Variants in MECOM observed in about 807,000 individuals in gnomAD.
The protein encoded by MECOM is MDS1 and EVI1 complex locus, also known as histone-lysine N-methyltransferase MECOM.
A neutral mutation model predicts 116.3 loss-of-function variants in MECOM; 13 were observed. The observed-to-expected ratio is 0.11, with a 90% confidence interval of 0.07 to 0.18. MECOM has a LOEUF of 0.18. Ranked by LOEUF, MECOM falls within the 10% of genes least tolerant of loss-of-function variation. The pLI is 1.00. For synonymous variants in MECOM, 528 were observed against 535.2 expected (o/e 0.99, Z 0.19); for missense variants, 1,299 against 1,509.0 (o/e 0.86, Z 2.31).
At chr3:169,369,139 G>A (rs1401138151) in intron 2 of MECOM, among the ~76,000 whole-genome samples, 1 of 151,926 alleles carries the variant, frequency 6.6e-6, no homozygotes, top group Non-Finnish European at 1.5e-5. Flanking sequence ...AAGAGTAATA[G>A]ACATGCTGGA....
intron 2 of MECOM, among the ~76,000 whole-genome samples, chr3:169,276,903 C>A (rs1425102068): frequency 6.6e-6 from 1 of 152,048 alleles, no homozygotes; most frequent in African/African-American, 2.4e-5. Flanking sequence ...ACAGAGTGAG[C>A]ATTATATAAA....
In MECOM at chr3:169,084,750, CT is replaced by C; in HGVS notation, c.*158del. On this transcript the variant is annotated 3_prime_UTR_variant, in exon 17 of 17. Coordinates refer to ENST00000651503, the MANE Select transcript of MECOM (RefSeq NM_004991.4). ...AGAATAAATAGTTTCTTTTTTCTTT[CT>C]TTTCTTTTTTAAATCATTCAGTTTA... is the stretch of plus-strand genomic sequence containing the variant. 3 of 735,368 alleles carry C rather than the reference CT, an allele frequency of 4.1e-6. No individual in the cohort carries two copies. Among genetic ancestry groups the C allele is most frequent in the Non-Finnish European group, 6.2e-6 (3 of 485,186 alleles). 45.6% of individuals were successfully genotyped at this position (735,368 alleles called of 1,614,324 possible).
At chr3:169,369,808 T>C (rs989778355) in intron 2 of MECOM, among the ~76,000 whole-genome samples, 1 of 152,052 alleles carries the variant, frequency 6.6e-6, no homozygotes. Flanking sequence ...CAAACTATAT[T>C]TACTATTTTA....
chr3:169,214,064 T>C (rs977008498), intron 2 of MECOM, among the ~76,000 whole-genome samples: 1 of 152,124 alleles, frequency 6.6e-6, no homozygotes, highest in African/African-American at 2.4e-5. Context: ...CATCTAAAGA[T>C]CCCAAAGCTT....
intron 1 of MECOM, among the ~76,000 whole-genome samples, chr3:169,457,242 G>A (rs930182045): frequency 6.6e-6 from 1 of 152,082 alleles, no homozygotes; most frequent in Non-Finnish European, 1.5e-5. Context: ...CCATGGATGG[G>A]GCAGCGCTTA....
At chr3:169,646,590 T>C (rs1440737908) in intron 1 of MECOM, among the ~76,000 whole-genome samples, 2 of 152,092 alleles carry the variant, frequency 1.3e-5, no homozygotes, top group Admixed American at 1.3e-4. Context: ...CCCAAGTCAT[T>C]TGGATATTAA....
intron 11 of MECOM, among the ~76,000 whole-genome samples, chr3:169,101,374 G>A (rs1437270067): frequency 6.6e-6 from 1 of 152,148 alleles, no homozygotes; most frequent in Non-Finnish European, 1.5e-5. Flanking sequence ...CAGCCACAGT[G>A]ATAACTCCCT....
intron 1 of MECOM, among the ~76,000 whole-genome samples, chr3:169,618,532 C>T (rs1373166934): frequency 6.6e-6 from 1 of 152,038 alleles, no homozygotes; most frequent in South Asian, 2.1e-4. Flanking sequence ...TGGCGCGCGC[C>T]CGTAGTCCCA....
At chr3:169,659,096 GAGAA>G (rs1037557105) in intron 1 of MECOM, among the ~76,000 whole-genome samples, 8 of 142,390 alleles carry the variant, frequency 5.6e-5, no homozygotes, top group South Asian at 4.5e-4. Flanking sequence ...AAAAAAGAAA[GAGAA>G]AGAAAGAAAG....
intron 2 of MECOM, among the ~76,000 whole-genome samples, chr3:169,235,869 TAAAAAAAA>T (rs796203861): frequency 7.2e-6 from 1 of 138,444 alleles, no homozygotes; most frequent in East Asian, 2.1e-4. Context: ...CCATTTTGCT[TAAAAAAAA>T]AAAAAAAGGG....
At chr3:169,354,974 A>G (rs1385251576) in intron 2 of MECOM, among the ~76,000 whole-genome samples, 1 of 151,874 alleles carries the variant, frequency 6.6e-6, no homozygotes, top group African/African-American at 2.4e-5. Flanking sequence ...ACTCTATTTT[A>G]TTGACACAAT....
chr3:169,561,167 G>A (rs904367610), intron 1 of MECOM, among the ~76,000 whole-genome samples: 4 of 151,622 alleles, frequency 2.6e-5, no homozygotes, highest in Non-Finnish European at 4.4e-5. Context: ...TATAATTTTC[G>A]ATGTAAGGGT....
At chr3:169,484,273 A>G (rs1456793185) in intron 1 of MECOM, among the ~76,000 whole-genome samples, 1 of 147,468 alleles carries the variant, frequency 6.8e-6, no homozygotes, top group East Asian at 2.0e-4. Context: ...TTTAAAAAGA[A>G]ACAAAAGAGA....
intron 2 of MECOM, among the ~76,000 whole-genome samples, chr3:169,277,358 G>C (rs1276837453): frequency 1.3e-5 from 2 of 152,190 alleles, no homozygotes; most frequent in Non-Finnish European, 2.9e-5. Flanking sequence ...AAACTTAAGA[G>C]AGAAAAAACA....
At position 169,663,471 on chromosome 3, in the gene MECOM, CCTGTCTCTCTCTCTCTCTCT is replaced by C; in HGVS notation, c.-119_-100del. 1 of 1,034,278 alleles carries C rather than the reference CCTGTCTCTCTCTCTCTCTCT, an allele frequency of 9.7e-7. No homozygotes were observed. The highest frequency in any genetic ancestry group is 1.4e-6 in the Non-Finnish European group (1 of 716,296). The allele number at this position is 1,034,278 out of a possible 1,614,324, so 64.1% of individuals were successfully genotyped here. On this transcript the variant is annotated 5_prime_UTR_variant, in exon 1 of 17. Coordinates refer to ENST00000651503, the MANE Select transcript of MECOM (RefSeq NM_004991.4). ...TCCCTCTCGCTCCCTCCCTCTCTCTCCTGTCTCTCTCTCTCTCTCTCTCTCTCTCTCTCTCTCTCTCTCTC... is the reference window on the plus strand; with the variant it reads ...TCCCTCTCGCTCCCTCCCTCTCTCTCCTCTCTCTCTCTCTCTCTCTCTCTC...
intron 2 of MECOM, among the ~76,000 whole-genome samples, chr3:169,345,159 G>A (rs1273726463): frequency 6.6e-6 from 1 of 152,032 alleles, no homozygotes; most frequent in Non-Finnish European, 1.5e-5. Flanking sequence ...AGCAATAATT[G>A]CACTGTCATT....
chr3:169,450,543 C>G (rs1452681631), intron 1 of MECOM, among the ~76,000 whole-genome samples: 2 of 151,572 alleles, frequency 1.3e-5, no homozygotes, highest in South Asian at 4.2e-4. Context: ...CTTTTCCACT[C>G]CCTCTAGACA....
At chr3:169,419,838 A>G (rs966574976) in intron 1 of MECOM, among the ~76,000 whole-genome samples, 1 of 152,236 alleles carries the variant, frequency 6.6e-6, no homozygotes, top group Admixed American at 6.5e-5. Context: ...AGAATGGGAG[A>G]AAATTTTTGC....
At chr3:169,392,447 T>TAATCTTTG in intron 1 of MECOM, among the ~76,000 whole-genome samples, 1 of 152,310 alleles carries the variant, frequency 6.6e-6, no homozygotes, top group East Asian at 1.9e-4. Context: ...GTTGAGGTGA[T>TAATCTTTG]AATCTTTGCC....
Sources: allele counts gnomAD v4.1 joint callset (sites outside exome capture counted in the v4.1 genomes callset), GRCh38; gene constraint gnomAD v4.1.1; transcripts MANE v1.5; gene names NCBI Gene and HGNC (gene_info 2026-07-23, HGNC 2026-07-21).